The following SEMA3A variants were observed in gnomAD, a reference collection of about 807,000 sequenced individuals.
The protein encoded by SEMA3A is semaphorin 3A, also known as semaphorin-3A.
A neutral mutation model predicts 97.9 loss-of-function variants in SEMA3A; 29 were observed. The observed-to-expected ratio is 0.30, with a 90% CI of 0.22 to 0.40. The LOEUF (loss-of-function observed/expected upper bound fraction) is 0.40, where lower values mean the gene tolerates loss of function less well. Ranked by LOEUF, SEMA3A falls within the 10% of genes least tolerant of loss-of-function variation. The pLI is 1.00. For missense variants in SEMA3A, 763 were observed against 951.3 expected (o/e 0.80, Z 2.60); for synonymous variants, 321 against 323.7 (o/e 0.99, Z 0.09).
chr7:84,342,440 C>A (rs1244725145), intron 2 of SEMA3A, among the ~76,000 whole-genome samples: 1 of 151,966 alleles, frequency 6.6e-6, no homozygotes, highest in African/African-American at 2.4e-5. Context: ...ACTCTATGTT[C>A]AAATGAACTA....
intron 1 of SEMA3A, among the ~76,000 whole-genome samples, chr7:84,190,331 GA>G (rs1798002441): frequency 6.6e-6 from 1 of 151,562 alleles, no homozygotes; most frequent in Non-Finnish European, 1.5e-5. Flanking sequence ...TTGAATAGAT[GA>G]ATAAAAAGTT....
chr7:84,410,831 C>G (rs997795684), intron 1 of SEMA3A, among the ~76,000 whole-genome samples: 1 of 152,136 alleles, frequency 6.6e-6, no homozygotes, highest in Non-Finnish European at 1.5e-5. Flanking sequence ...TTTCTGTACA[C>G]TTAGACTCTT....
At chr7:84,318,317 G>GTTTTTT (rs71522699) in intron 2 of SEMA3A, among the ~76,000 whole-genome samples, 31 of 97,822 alleles carry the variant, frequency 3.2e-4, no homozygotes, top group East Asian at 6.9e-4. Flanking sequence ...TGATTTCTTG[G>GTTTTTT]TTTTTTTTTT....
At chr7:84,396,321 ATATAT>A (rs1297123326) in intron 1 of SEMA3A, among the ~76,000 whole-genome samples, 2 of 137,168 alleles carry the variant, frequency 1.5e-5, no homozygotes, top group African/African-American at 5.7e-5. Flanking sequence ...TCTGAACAAA[ATATAT>A]TATATTATAA....
intron 3 of SEMA3A, among the ~76,000 whole-genome samples, chr7:84,238,860 G>C (rs951801048): frequency 7.9e-5 from 12 of 152,074 alleles, no homozygotes; most frequent in African/African-American, 2.7e-4. Context: ...GACTACAGGA[G>C]CATGCCATCA....
In SEMA3A at chr7:84,125,486, C is replaced by T. The variant is rs973935939; in HGVS notation, c.333+3637G>A. 2.2e-4 allele frequency among the ~76,000 whole-genome samples: 34 copies of T among 152,200 alleles called. 1 individual carries two copies. The highest frequency in any genetic ancestry group is 5.0e-4 in the Non-Finnish European group (34 of 68,038). On this transcript the variant is annotated intron_variant, in intron 3 of 16. Coordinates refer to ENST00000265362, the MANE Select transcript of SEMA3A (RefSeq NM_006080.3). Reference sequence around the variant, plus strand: ...CCTGGCCAACATGGCAAAACCCTGTCTCTACTAAAAATACACAAATTAGCC... The same window carrying T: ...CCTGGCCAACATGGCAAAACCCTGTTTCTACTAAAAATACACAAATTAGCC...
intron 4 of SEMA3A, among the ~76,000 whole-genome samples, chr7:84,068,646 A>C (rs1793629311): frequency 1.3e-5 from 2 of 152,106 alleles, no homozygotes; most frequent in Admixed American, 6.6e-5. Context: ...GACATTTTAC[A>C]CTACTGACAC....
At chr7:84,060,962 C>T (rs1793193321) in intron 4 of SEMA3A, among the ~76,000 whole-genome samples, 2 of 152,118 alleles carry the variant, frequency 1.3e-5, no homozygotes, top group Admixed American at 6.6e-5. Context: ...AATAGCAATT[C>T]ACTACGTTAG....
rs1798155915 is a variant in SEMA3A at position 84,194,498 on chromosome 7, G to C, written c.89C>G (p.Pro30Arg). 6.2e-7 allele frequency: 1 copy of C among 1,609,126 alleles called. No individual in the cohort carries two copies. Residue 30 changes from proline to arginine, a missense_variant, in exon 1 of 17, where the codon CCA (proline) becomes CGA (arginine). Transcript: ENST00000265362. ...ACCTTTGTAGGATAATTTCAGCCTT[G>C]GCACATTGTTCTTCCCATTCTGATA... ...ANYQNGKNNVPRLKLSYKEML... is the reference protein window; with the variant it reads ...ANYQNGKNNVRRLKLSYKEML...
At chr7:84,474,537 T>C (rs1468988254) in intron 1 of SEMA3A, among the ~76,000 whole-genome samples, 1 of 152,156 alleles carries the variant, frequency 6.6e-6, no homozygotes, top group African/African-American at 2.4e-5. Flanking sequence ...TGACACTGTA[T>C]CCTCTAGGTA....
chr7:84,059,970 C>CTA (rs1324014996), intron 5 of SEMA3A, among the ~76,000 whole-genome samples: 1 of 152,048 alleles, frequency 6.6e-6, no homozygotes, highest in Admixed American at 6.6e-5. Context: ...GAACTATAAG[C>CTA]ATTCCCCACT....
chr7:84,351,363 T>TTCTC (rs1487166668), intron 2 of SEMA3A, among the ~76,000 whole-genome samples: 2 of 152,132 alleles, frequency 1.3e-5, no homozygotes, highest in Non-Finnish European at 2.9e-5. Flanking sequence ...CTTTACCAAA[T>TTCTC]ATTACATTAG....
At chr7:84,084,950 T>C (rs549727869) in intron 4 of SEMA3A, among the ~76,000 whole-genome samples, 1 of 152,150 alleles carries the variant, frequency 6.6e-6, no homozygotes, top group African/African-American at 2.4e-5. Context: ...AAAACTTAGC[T>C]TTACAGTTGA....
At chr7:84,466,401 G>A (rs1805998490) in intron 1 of SEMA3A, among the ~76,000 whole-genome samples, 1 of 152,066 alleles carries the variant, frequency 6.6e-6, no homozygotes, top group Non-Finnish European at 1.5e-5. Context: ...TCGAACTCCT[G>A]ACCTCAGGTG....
chr7:84,356,778 A>G (rs1372171384), intron 2 of SEMA3A, among the ~76,000 whole-genome samples: 2 of 151,944 alleles, frequency 1.3e-5, no homozygotes, highest in Non-Finnish European at 2.9e-5. Flanking sequence ...TTAAGTAAAT[A>G]TAAATATACC....
At chr7:84,355,681 A>C (rs1802540179) in intron 2 of SEMA3A, among the ~76,000 whole-genome samples, 1 of 151,884 alleles carries the variant, frequency 6.6e-6, no homozygotes, top group Non-Finnish European at 1.5e-5. Context: ...CTATTTTTAT[A>C]ATCTGATCAA....
chr7:84,031,273 G>T (rs1206556394), intron 6 of SEMA3A, among the ~76,000 whole-genome samples: 1 of 151,952 alleles, frequency 6.6e-6, no homozygotes, highest in Non-Finnish European at 1.5e-5. Context: ...TTACAGGTGT[G>T]AGCCACCGTA....
chr7:84,409,312 T>C lies in SEMA3A; in HGVS notation c.-245-37412A>G, dbSNP rs140153490. On this transcript the variant is annotated intron_variant, in intron 1 of 3. Transcript: ENST00000424555. ...ATACCACATGTACCCCATAAATATA[T>C]ACAACTATTATGAATCAATTTTTTA... Among the ~76,000 whole-genome samples, 1,397 of 151,768 alleles carry C rather than the reference T, an allele frequency of 9.2e-3. 23 individuals carry two copies. Among genetic ancestry groups the C allele is most frequent in the African/African-American group, 0.032 (1,319 of 41,498 alleles).
chr7:84,117,349 TG>T (rs1795466370), intron 3 of SEMA3A, among the ~76,000 whole-genome samples: 1 of 152,194 alleles, frequency 6.6e-6, no homozygotes, highest in Non-Finnish European at 1.5e-5. Context: ...AGAAAAAACA[TG>T]TAGGACAAAA....
Sources: allele counts gnomAD v4.1 joint callset (sites outside exome capture counted in the v4.1 genomes callset), GRCh38; gene constraint gnomAD v4.1.1; transcripts MANE v1.5; gene names NCBI Gene and HGNC (gene_info 2026-07-23, HGNC 2026-07-21).